Variants in GALNT9 observed in about 807,000 individuals in gnomAD.
The protein encoded by GALNT9 is GalNAc transferase 9.
A neutral mutation model predicts 63.1 loss-of-function variants in GALNT9; 47 were observed. The observed-to-expected ratio is 0.75, with a 90% CI of 0.59 to 0.95. The LOEUF (loss-of-function observed/expected upper bound fraction) is 0.95. Ranked by LOEUF, GALNT9 falls within the 40% of genes least tolerant of loss-of-function variation. The probability of loss-of-function intolerance (pLI) is 0.00; values close to 1 mark genes in which losing one functional copy is unlikely to be tolerated. For missense variants in GALNT9, 829 were observed against 874.8 expected, an observed-to-expected ratio of 0.95 and a Z score of 0.66; for synonymous variants, 396 against 365.7, an observed-to-expected ratio of 1.08 and a Z score of -0.94.
At chr12:132,264,667 A>G (rs1879532421) in intron 2 of GALNT9, among the ~76,000 whole-genome samples, 2 of 152,316 alleles carry the variant, frequency 1.3e-5, no homozygotes, top group Admixed American at 1.3e-4. Flanking sequence ...CAGGAAAAGC[A>G]TCCCTGTGTC....
At chr12:132,219,243 G>A (rs763020029) in intron 6 of GALNT9, among the ~76,000 whole-genome samples, 5 of 152,176 alleles carry the variant, frequency 3.3e-5, no homozygotes, top group Non-Finnish European at 7.3e-5. Flanking sequence ...ACCCAGGCCC[G>A]CTGCAGCTGT....
intron 6 of GALNT9, among the ~76,000 whole-genome samples, chr12:132,204,810 C>T (rs1337784387): frequency 6.6e-6 from 1 of 152,118 alleles, no homozygotes; most frequent in Non-Finnish European, 1.5e-5. Context: ...GGGCTGACAT[C>T]ACTATGAACA....
rs754637403 is a variant in GALNT9, at chr12:132,196,427, C to T, written c.*680G>A. ...TTAAAACAGGCAAGGGGCTGGGCTG[C>T]GGCAGGGCCCAGGTGCCTGGGAAAG... On this transcript the variant is annotated 3_prime_UTR_variant, in exon 11 of 11. Transcript: ENST00000328957. 138 of 985,134 alleles carry T rather than the reference C, an allele frequency of 1.4e-4. No individual in the cohort carries two copies. Among genetic ancestry groups the T allele is most frequent in the Middle Eastern group, 5.2e-4 (1 of 1,914 alleles). 61.0% of individuals were successfully genotyped at this position (985,134 alleles called of 1,614,324 possible). A position where few individuals can be genotyped will look rare whatever the true frequency, so the allele number is the denominator to read the frequency against.
At chr12:132,287,163 C>T (rs1880632324) in intron 1 of GALNT9, among the ~76,000 whole-genome samples, 2 of 150,908 alleles carry the variant, frequency 1.3e-5, no homozygotes, top group Admixed American at 6.6e-5. Context: ...GCCAGCCCCC[C>T]GTGAGCCACG....
Position 132,286,476 on chromosome 12 carries a change from T to A in GALNT9, c.239-46A>T. 6.6e-7 allele frequency: 1 copy of A among 1,516,918 alleles called. No individual in the cohort carries two copies. The highest frequency in any genetic ancestry group is 8.8e-7 in the Non-Finnish European group (1 of 1,131,308). 94.0% of individuals were successfully genotyped at this position (1,516,918 alleles called of 1,614,324 possible). On this transcript the variant is annotated intron_variant, in intron 1 of 10. Transcript: ENST00000328957. The surrounding 1 kb of genome is among the most constrained non-coding windows in gnomAD (Gnocchi z 7.4). ...GAGGTCAGGCAGGCCCAGGACACGC[T>A]GCGTCTGCACCCAGGAGACGCCCCT...
intron 6 of GALNT9, among the ~76,000 whole-genome samples, chr12:132,206,335 G>A (rs1257267516): frequency 6.6e-6 from 1 of 152,078 alleles, no homozygotes; most frequent in East Asian, 1.9e-4. Context: ...AAGCTCTAGT[G>A]CCAGAGAGAT....
chr12:132,285,600 T>A (rs782299611), intron 2 of GALNT9, among the ~76,000 whole-genome samples: 29 of 152,312 alleles, frequency 1.9e-4, no homozygotes, highest in Non-Finnish European at 4.0e-4. Context: ...GGAACGGGAA[T>A]GCCCTTCGCT....
chr12:132,204,455 C>G (rs1876494124), intron 6 of GALNT9, among the ~76,000 whole-genome samples: 1 of 152,114 alleles, frequency 6.6e-6, no homozygotes, highest in African/African-American at 2.4e-5. Flanking sequence ...TAAATCTGTC[C>G]CCTACAGGCC....
At chr12:132,285,109 T>C (rs1217741001) in intron 2 of GALNT9, among the ~76,000 whole-genome samples, 2 of 151,910 alleles carry the variant, frequency 1.3e-5, no homozygotes, top group African/African-American at 2.4e-5. Flanking sequence ...CCCTGGCGGG[T>C]GGGGCAGGCT....
At chr12:132,275,054 G>C (rs1049389098) in intron 2 of GALNT9, 1 of 152,402 alleles carries the variant, frequency 6.6e-6, no homozygotes, top group Non-Finnish European at 1.5e-5. Flanking sequence ...CTCAGCTCCA[G>C]ACTGCACGCT....
intron 1 of GALNT9, among the ~76,000 whole-genome samples, chr12:132,328,338 C>T (rs1555246666): frequency 6.6e-6 from 1 of 152,174 alleles, no homozygotes; most frequent in African/African-American, 2.4e-5. Flanking sequence ...TGAGTCCTGC[C>T]AAGCCCTGCA....
chr12:132,261,762 T>A (rs1367982121), intron 3 of GALNT9, among the ~76,000 whole-genome samples: 1 of 151,954 alleles, frequency 6.6e-6, no homozygotes, highest in Non-Finnish European at 1.5e-5. Context: ...CCAGAGGGAG[T>A]GTCACGGCTG....
At chr12:132,300,799 C>T (rs1238168121) in intron 1 of GALNT9, among the ~76,000 whole-genome samples, 1 of 151,740 alleles carries the variant, frequency 6.6e-6, no homozygotes, top group Non-Finnish European at 1.5e-5. Context: ...CCACACCTAA[C>T]CCACCCCCAC....
rs782262085 is a variant in GALNT9 at position 132,265,151 on chromosome 12, C to T, written c.420-2526G>A. Among the ~76,000 whole-genome samples the T allele has an allele frequency of 7.2e-5, 11 of 152,162 alleles. No individual in the cohort carries two copies. Among genetic ancestry groups the T allele is most frequent in the African/African-American group, 2.4e-4 (10 of 41,432 alleles). ...CAGCCCCAAGAAAAAGATAAAGGAGCGCAAAGATTTTCCAACAAGTCCCAA... is the reference window on the plus strand; with the variant it reads ...CAGCCCCAAGAAAAAGATAAAGGAGTGCAAAGATTTTCCAACAAGTCCCAA... On this transcript the variant is annotated intron_variant, in intron 2 of 10. Coordinates refer to ENST00000328957, the MANE Select transcript of GALNT9 (RefSeq NM_001122636.2). The surrounding 1 kb of genome is among the most constrained non-coding windows in gnomAD (Gnocchi z 5.3).
intron 5 of GALNT9, among the ~76,000 whole-genome samples, chr12:132,253,243 T>G (rs1420774501): frequency 6.6e-6 from 1 of 151,276 alleles, no homozygotes; most frequent in Admixed American, 6.6e-5. Flanking sequence ...CAGGGAGGGG[T>G]TTAGGCCTCC....
At chr12:132,214,158 C>T (rs1200944310) in intron 6 of GALNT9, among the ~76,000 whole-genome samples, 1 of 152,134 alleles carries the variant, frequency 6.6e-6, no homozygotes, top group Admixed American at 6.5e-5. Context: ...TCCGGGGTGC[C>T]GTGTGTGAGG....
chr12:132,203,491 T>C lies in GALNT9; in HGVS notation c.1263+14A>G. On this transcript the variant is annotated intron_variant, in intron 7 of 10. Coordinates refer to ENST00000328957, the MANE Select transcript of GALNT9 (RefSeq NM_001122636.2). ...TGGGGCATGGCCCCGGCTCCCGGCC[T>C]GTGGGGGACTCACCGACATGGGGAT... 1 of 1,612,652 alleles carries C rather than the reference T, an allele frequency of 6.2e-7. No homozygotes were observed. Among genetic ancestry groups the C allele is most frequent in the Non-Finnish European group, 8.5e-7 (1 of 1,179,214 alleles).
intron 5 of GALNT9, among the ~76,000 whole-genome samples, chr12:132,254,019 T>C (rs1460933220): frequency 2.1e-5 from 3 of 143,042 alleles, no homozygotes; most frequent in African/African-American, 7.8e-5. Context: ...CCCTTCACTG[T>C]TTTTTCTTTT....
At position 132,245,917 on chromosome 12, in the gene GALNT9, G is replaced by C. The variant is rs1878690825; in HGVS notation, c.1077+1993C>G. On this transcript the variant is annotated intron_variant, in intron 6 of 10. Transcript: ENST00000328957. This position sits in a 1 kb window ranked among gnomAD's most constrained non-coding sequence, Gnocchi z 6.3. Reference sequence around the variant, plus strand: ...ATCTGCTGGGTGCCCTCCACCCCAGGGGTCCCGTCCTCCCTCGCTCTTCGG... The same window carrying C: ...ATCTGCTGGGTGCCCTCCACCCCAGCGGTCCCGTCCTCCCTCGCTCTTCGG... 6.6e-6 allele frequency among the ~76,000 whole-genome samples: 1 copy of C among 152,160 alleles called. No homozygotes were observed. Among genetic ancestry groups the C allele is most frequent in the African/African-American group, 2.4e-5 (1 of 41,446 alleles).
Sources: gnomAD v4.1 joint callset for allele counts (sites outside exome capture counted in the v4.1 genomes callset) on GRCh38, gnomAD v4.1.1 for gene constraint, Gnocchi (gnomAD v3.1) non-coding constraint, MANE v1.5 for transcripts, NCBI Gene and HGNC (gene_info 2026-07-23, HGNC 2026-07-21) for gene names.